Variants in MIS18A observed in about 807,000 individuals in gnomAD.
The protein encoded by MIS18A is MIS18 kinetochore protein A, also known as protein Mis18-alpha.
In MIS18A, 14 loss-of-function variants were observed where a neutral mutation model predicts 25.0. That is an observed-to-expected ratio of 0.56 (90% CI 0.37 to 0.88). The LOEUF (loss-of-function observed/expected upper bound fraction) is 0.88, where lower values mean the gene tolerates loss of function less well. Among genes scored for constraint, MIS18A ranks in the 40% least tolerant of loss-of-function variants. The probability of loss-of-function intolerance (pLI) is 0.00; values close to 1 mark genes in which losing one functional copy is unlikely to be tolerated. For missense variants in MIS18A, 292 were observed against 290.8 expected (o/e 1.00, Z -0.03); for synonymous variants, 134 against 118.6 (o/e 1.13, Z -0.84).
At chr21:32,264,824 C>T (rs982890523), downstream of MIS18A, among the ~76,000 whole-genome samples, 1 of 152,194 alleles carries the variant, frequency 6.6e-6, no homozygotes, top group Non-Finnish European at 1.5e-5. Context: ...CCGGGTAGGA[C>T]ACATGCCATT....
chr21:32,271,176 C>T (rs1184563796), intron 2 of MIS18A, among the ~76,000 whole-genome samples: 2 of 152,164 alleles, frequency 1.3e-5, no homozygotes, highest in African/African-American at 4.8e-5. Context: ...AATCCAGTGT[C>T]TCCCAAACGC....
the MIS18A span, among the ~76,000 whole-genome samples, chr21:32,183,457 G>T: frequency 6.6e-6 from 1 of 152,150 alleles, no homozygotes; most frequent in Non-Finnish European, 1.5e-5. Context: ...TATACAATAA[G>T]TATAATATGT....
chr21:32,173,300 G>A, the MIS18A span, among the ~76,000 whole-genome samples: 6,353 of 152,150 alleles, frequency 0.042, 436 homozygotes, highest in African/African-American at 0.14. Context: ...ATAACAAATG[G>A]GGGCAGGAAT....
At chr21:32,254,553 C>T in the MIS18A span, among the ~76,000 whole-genome samples, 119 of 151,934 alleles carry the variant, frequency 7.8e-4, 3 homozygotes, top group South Asian at 0.011. Context: ...AAGTAAACTG[C>T]TTTATAACTT....
the MIS18A span, among the ~76,000 whole-genome samples, chr21:32,256,631 A>T: frequency 6.6e-6 from 1 of 152,198 alleles, no homozygotes; most frequent in African/African-American, 2.4e-5. Context: ...AAAACATTGA[A>T]GATGGAAGCT....
downstream of MIS18A, among the ~76,000 whole-genome samples, chr21:32,265,504 C>A (rs1404052265): frequency 6.6e-6 from 1 of 152,196 alleles, no homozygotes; most frequent in East Asian, 1.9e-4. Flanking sequence ...GTACTGAGTC[C>A]CCCAGCAGTG....
chr21:32,215,138 C>T, the MIS18A span, among the ~76,000 whole-genome samples: 1 of 152,178 alleles, frequency 6.6e-6, no homozygotes, highest in Non-Finnish European at 1.5e-5. Flanking sequence ...TGTTCTGACA[C>T]TGTTCATTAA....
chr21:32,274,267 C>T (rs1354981159), intron 2 of MIS18A, among the ~76,000 whole-genome samples: 3 of 124,430 alleles, frequency 2.4e-5, no homozygotes, highest in Non-Finnish European at 3.1e-5. Flanking sequence ...AGTGCACTGG[C>T]GATCTTGGCT....
rs11701322 is a variant in MIS18A at position 32,278,758 on chromosome 21, G to C, written c.257C>G (p.Ser86Cys). The stretch of plus-strand genomic sequence containing the variant: ...GTCGCCCAGCGGCCGCCGGCAGCCG[G>C]AGCACAGGAACACCAGCGGCCTCTC... ...AEERPLVFLCSGCRRPLGDSL... is the reference protein window; with the variant it reads ...AEERPLVFLCCGCRRPLGDSL... Residue 86 changes from serine (S) to cysteine (C), a missense_variant, in exon 1 of 5, where the codon TCC becomes TGC. By Grantham distance (112) the Ser-to-Cys change is moderately radical. Transcript: ENST00000290130. 9,128 of 1,578,800 alleles carry C rather than the reference G, an allele frequency of 5.8e-3. 33 individuals carry two copies. The highest frequency in any genetic ancestry group is 0.01 in the Admixed American group (558 of 55,534).
At chr21:32,263,858 C>T (rs1279797857), downstream of MIS18A, among the ~76,000 whole-genome samples, 7 of 149,788 alleles carry the variant, frequency 4.7e-5, no homozygotes, top group African/African-American at 1.7e-4. Context: ...TGTAAATATC[C>T]CCATTATGGC....
chr21:32,184,374 A>C, the MIS18A span, among the ~76,000 whole-genome samples: 1 of 152,236 alleles, frequency 6.6e-6, no homozygotes, highest in Non-Finnish European at 1.5e-5. Flanking sequence ...TCCAAATGCC[A>C]CCTTCTGAAT....
At chr21:32,203,510 A>C in the MIS18A span, among the ~76,000 whole-genome samples, 1 of 137,624 alleles carries the variant, frequency 7.3e-6, no homozygotes, top group Non-Finnish European at 1.6e-5. Context: ...AAAAAAAAAA[A>C]GGTAGTGTTA....
At chr21:32,224,121 C>T in the MIS18A span, among the ~76,000 whole-genome samples, 1 of 151,804 alleles carries the variant, frequency 6.6e-6, no homozygotes, top group Non-Finnish European at 1.5e-5. Context: ...ATTGATGGGA[C>T]ATATTTCAAA....
the MIS18A span, among the ~76,000 whole-genome samples, chr21:32,251,785 G>C: frequency 6.6e-6 from 1 of 152,174 alleles, no homozygotes; most frequent in African/African-American, 2.4e-5. Context: ...TACCGAAGGT[G>C]GGAGACTGTC....
chr21:32,158,176 T>A, the MIS18A span, among the ~76,000 whole-genome samples: 1 of 152,186 alleles, frequency 6.6e-6, no homozygotes, highest in African/African-American at 2.4e-5. Context: ...TACTTGTCTG[T>A]TTTCAAAAAT....
chr21:32,273,973 A>G (rs1314327889), intron 2 of MIS18A, among the ~76,000 whole-genome samples: 1 of 152,004 alleles, frequency 6.6e-6, no homozygotes, highest in Non-Finnish European at 1.5e-5. Context: ...GTATGGCAAG[A>G]TATTTGTCCC....
At chr21:32,159,273 A>G in the MIS18A span, among the ~76,000 whole-genome samples, 7 of 152,200 alleles carry the variant, frequency 4.6e-5, no homozygotes, top group Non-Finnish European at 1.0e-4. Flanking sequence ...TAGTTTGCCT[A>G]GATTGTTTAC....
chr21:32,231,342 T>A, the MIS18A span, among the ~76,000 whole-genome samples: 1 of 151,112 alleles, frequency 6.6e-6, no homozygotes, highest in African/African-American at 2.4e-5. Context: ...TAAAATTCAA[T>A]AATAAAAAGA....
chr21:32,178,082 C>G, the MIS18A span, among the ~76,000 whole-genome samples: 1 of 151,912 alleles, frequency 6.6e-6, no homozygotes, highest in East Asian at 1.9e-4. Flanking sequence ...CTATACTAGG[C>G]TAATTTTGTT....
Sources: allele counts gnomAD v4.1 joint callset (sites outside exome capture counted in the v4.1 genomes callset), GRCh38; gene constraint gnomAD v4.1.1; transcripts MANE v1.5; gene names NCBI Gene and HGNC (gene_info 2026-07-23, HGNC 2026-07-21).